Variants in PTPRD observed in about 807,000 individuals in gnomAD.
PTPRD encodes the protein receptor-type tyrosine-protein phosphatase delta.
A neutral mutation model predicts 214.5 loss-of-function variants in PTPRD; 34 were observed. The ratio of observed to expected loss-of-function variants is 0.16; its 90% confidence interval spans 0.12 to 0.21. The LOEUF is 0.21. Ranked by LOEUF, PTPRD falls within the 10% of genes least tolerant of loss-of-function variation. The probability of loss-of-function intolerance (pLI) is 1.00; values close to 1 mark genes in which losing one functional copy is unlikely to be tolerated. For missense variants in PTPRD, 2,545 were observed against 2,398.7 expected (o/e 1.06, Z -1.27); for synonymous variants, 1,128 against 845.7 (o/e 1.33, Z -5.79).
intron 2 of PTPRD, among the ~76,000 whole-genome samples, chr9:10,451,954 G>C (rs954408790): frequency 1.3e-5 from 2 of 151,938 alleles, no homozygotes; most frequent in African/African-American, 2.4e-5. Context: ...AGAAGGAGAA[G>C]CAAATATGAA....
intron 9 of PTPRD, among the ~76,000 whole-genome samples, chr9:9,199,307 C>T (rs559580474): frequency 6.6e-6 from 1 of 152,178 alleles, no homozygotes; most frequent in Non-Finnish European, 1.5e-5. Flanking sequence ...AGCACATTCT[C>T]TTATTCAGGG....
chr9:9,067,953 C>G (rs1002297292), intron 10 of PTPRD, among the ~76,000 whole-genome samples: 14 of 152,132 alleles, frequency 9.2e-5, no homozygotes, highest in African/African-American at 2.7e-4. Context: ...CTCATGTTGT[C>G]CTTTTAACCA....
intron 11 of PTPRD, among the ~76,000 whole-genome samples, chr9:8,928,190 G>C (rs985726022): frequency 6.6e-6 from 1 of 152,094 alleles, no homozygotes; most frequent in African/African-American, 2.4e-5. Context: ...TTGCTGTTCA[G>C]AAGCTCTTTA....
At chr9:8,538,564 T>G (rs2077516726) in intron 14 of PTPRD, among the ~76,000 whole-genome samples, 1 of 151,538 alleles carries the variant, frequency 6.6e-6, no homozygotes, top group Non-Finnish European at 1.5e-5. Context: ...AATTGTGTAG[T>G]GTTGGATTGG....
At chr9:10,574,559 T>A (rs549840405) in intron 2 of PTPRD, among the ~76,000 whole-genome samples, 5 of 152,078 alleles carry the variant, frequency 3.3e-5, no homozygotes, top group Admixed American at 2.6e-4. Flanking sequence ...ATTTCTAAGC[T>A]CTGGCTAAGA....
chr9:10,523,770 T>A (rs1310472379), intron 2 of PTPRD, among the ~76,000 whole-genome samples: 1 of 151,430 alleles, frequency 6.6e-6, no homozygotes, highest in Non-Finnish European at 1.5e-5. Context: ...ATAAATGATG[T>A]GTCCATTGAT....
At chr9:10,487,967 T>TCTCTCA (rs1555415170) in intron 2 of PTPRD, among the ~76,000 whole-genome samples, 4 of 5,706 alleles carry the variant, frequency 7.0e-4, no homozygotes, top group Admixed American at 3.8e-3. Flanking sequence ...ATGAACACAG[T>TCTCTCA]CTCTCTCTCT....
chr9:9,001,396 AC>A (rs2099417741), intron 11 of PTPRD, among the ~76,000 whole-genome samples: 1 of 152,022 alleles, frequency 6.6e-6, no homozygotes, highest in African/African-American at 2.4e-5. Flanking sequence ...AGTTTACATA[AC>A]TAGTAGGTTA....
At chr9:10,603,490 G>C (rs2078501121) in intron 2 of PTPRD, among the ~76,000 whole-genome samples, 1 of 151,876 alleles carries the variant, frequency 6.6e-6, no homozygotes, top group Admixed American at 6.6e-5. Flanking sequence ...ACAGAATCTA[G>C]ATAACTGTAG....
intron 7 of PTPRD, among the ~76,000 whole-genome samples, chr9:9,622,543 C>G (rs1466207716): frequency 6.6e-6 from 1 of 152,152 alleles, no homozygotes; most frequent in African/African-American, 2.4e-5. Context: ...TAACTTATCA[C>G]TGAATTTCTG....
intron 5 of PTPRD, among the ~76,000 whole-genome samples, chr9:9,933,492 T>C (rs1290306297): frequency 1.3e-5 from 2 of 151,848 alleles, no homozygotes; most frequent in Non-Finnish European, 2.9e-5. Flanking sequence ...GGCCATTACA[T>C]AGTGGTAAAG....
At chr9:10,445,869 A>G (rs2098795099) in intron 2 of PTPRD, among the ~76,000 whole-genome samples, 1 of 152,132 alleles carries the variant, frequency 6.6e-6, no homozygotes, top group African/African-American at 2.4e-5. Flanking sequence ...AAAACTAACA[A>G]CAACAAAAAG....
At chr9:9,943,577 A>T (rs1037360718) in intron 4 of PTPRD, among the ~76,000 whole-genome samples, 1 of 152,168 alleles carries the variant, frequency 6.6e-6, no homozygotes, top group African/African-American at 2.4e-5. Context: ...TTAAGCAAAT[A>T]ATATGCTATA....
intron 14 of PTPRD, among the ~76,000 whole-genome samples, chr9:8,612,645 T>G: frequency 6.6e-6 from 1 of 152,194 alleles, no homozygotes; most frequent in East Asian, 1.9e-4. Context: ...GGGAGAAGGA[T>G]GGCGGTACTA....
intron 11 of PTPRD, among the ~76,000 whole-genome samples, chr9:8,804,014 G>A (rs1482579068): frequency 6.6e-6 from 1 of 151,906 alleles, no homozygotes; most frequent in East Asian, 1.9e-4. Context: ...GTGTAGTGGT[G>A]CAATCTTGGC....
intron 2 of PTPRD, among the ~76,000 whole-genome samples, chr9:10,464,660 A>G (rs142197751): frequency 3.3e-5 from 5 of 152,178 alleles, no homozygotes; most frequent in Non-Finnish European, 7.3e-5. Flanking sequence ...TAGTGACCTA[A>G]TTATGATTTG....
intron 14 of PTPRD, among the ~76,000 whole-genome samples, chr9:8,563,945 C>A (rs1262915812): frequency 6.6e-6 from 1 of 152,174 alleles, no homozygotes; most frequent in Non-Finnish European, 1.5e-5. Context: ...GGATTGCAGG[C>A]GTGAGGCATT....
chr9:9,441,188 C>T (rs758470104), intron 8 of PTPRD, among the ~76,000 whole-genome samples: 9 of 152,110 alleles, frequency 5.9e-5, no homozygotes, highest in African/African-American at 4.8e-5. Context: ...CACTACCTGA[C>T]GACAAGACTC....
intron 12 of PTPRD, among the ~76,000 whole-genome samples, chr9:8,728,363 C>A (rs1467390680): frequency 2.6e-5 from 4 of 152,178 alleles, no homozygotes; most frequent in Admixed American, 2.6e-4. Context: ...TTTTATTTTA[C>A]TTTCTAAGAA....
Sources: gnomAD v4.1 joint callset for allele counts (sites outside exome capture counted in the v4.1 genomes callset) on GRCh38, gnomAD v4.1.1 for gene constraint, MANE v1.5 for transcripts, NCBI Gene and HGNC (gene_info 2026-07-23, HGNC 2026-07-21) for gene names.